The following LRRC4C variants were observed in gnomAD, a reference collection of about 807,000 sequenced individuals.
LRRC4C encodes leucine rich repeat containing 4C.
LRRC4C carries 5 observed loss-of-function variants against 33.6 expected under a neutral mutation model. The observed-to-expected ratio is 0.15, with a 90% CI of 0.08 to 0.31. The LOEUF is 0.31. LRRC4C is among the 10% of genes least tolerant of loss of function. The probability of loss-of-function intolerance (pLI) is 1.00; values close to 1 mark genes in which losing one functional copy is unlikely to be tolerated. For synonymous variants in LRRC4C, 329 were observed against 302.0 expected (o/e 1.09, Z -0.93); for missense variants, 560 against 796.7 (o/e 0.70, Z 3.58).
At chr11:40,756,924 G>A (rs1313428762) in intron 2 of LRRC4C, among the ~76,000 whole-genome samples, 1 of 151,504 alleles carries the variant, frequency 6.6e-6, no homozygotes, top group African/African-American at 2.4e-5. Flanking sequence ...TGAGGATTTT[G>A]TCATGTTTGG....
At position 40,561,641 on chromosome 11, in the gene LRRC4C, T is replaced by C. The variant is rs1957554567; in HGVS notation, c.-270+86501A>G. Reference sequence around the variant, plus strand: ...GTTAGCTAGGATGGTCTCGATCTCCTGACCTTGTGATCCGCCTGCCTCAGC... The same window carrying C: ...GTTAGCTAGGATGGTCTCGATCTCCCGACCTTGTGATCCGCCTGCCTCAGC... On this transcript the variant is annotated intron_variant, in intron 3 of 6. Coordinates refer to ENST00000528697, the MANE Select transcript of LRRC4C (RefSeq NM_001258419.2). Among the ~76,000 whole-genome samples, 3 of 151,892 alleles carry C rather than the reference T, an allele frequency of 2.0e-5. No individual in the cohort carries two copies. The South Asian group carries it at 6.2e-4, about 31-fold the overall frequency.
intron 4 of LRRC4C, among the ~76,000 whole-genome samples, chr11:40,255,490 A>G (rs1279405712): frequency 6.6e-6 from 1 of 152,198 alleles, no homozygotes; most frequent in Non-Finnish European, 1.5e-5. Context: ...AGTCTACCCA[A>G]ACTTTATTTA....
chr11:41,421,815 C>T (rs918378998), intron 1 of LRRC4C, among the ~76,000 whole-genome samples: 11 of 151,784 alleles, frequency 7.2e-5, no homozygotes, highest in Admixed American at 5.9e-4. Context: ...ATTGTCGATC[C>T]GGGAAGCTAA....
intron 1 of LRRC4C, among the ~76,000 whole-genome samples, chr11:41,384,948 T>C (rs972204628): frequency 1.7e-4 from 25 of 150,440 alleles, no homozygotes; most frequent in African/African-American, 5.8e-4. Flanking sequence ...TAGTATACTA[T>C]ATCAGTTTGT....
chr11:40,574,687 G>T (rs948281932), intron 3 of LRRC4C, among the ~76,000 whole-genome samples: 2 of 152,140 alleles, frequency 1.3e-5, no homozygotes, highest in Non-Finnish European at 2.9e-5. Context: ...AGATCATGGG[G>T]GTGGAGCTGG....
chr11:40,999,079 T>C (rs1854180942), intron 1 of LRRC4C, among the ~76,000 whole-genome samples: 1 of 152,142 alleles, frequency 6.6e-6, no homozygotes, highest in African/African-American at 2.4e-5. Flanking sequence ...CATAGGAGAC[T>C]GCAGATCGAT....
chr11:41,186,573 T>C (rs1002145955), intron 1 of LRRC4C, among the ~76,000 whole-genome samples: 1 of 152,222 alleles, frequency 6.6e-6, no homozygotes, highest in Admixed American at 6.5e-5. Flanking sequence ...GATTTCACTG[T>C]GATAAAGAAG....
chr11:40,547,589 CT>C (rs34656761), intron 3 of LRRC4C, among the ~76,000 whole-genome samples: 7 of 151,962 alleles, frequency 4.6e-5, no homozygotes, highest in African/African-American at 1.7e-4. Flanking sequence ...CTCAGGATAC[CT>C]TTTTCAAAAA....
chr11:40,593,326 A>G (rs752741382), intron 3 of LRRC4C, among the ~76,000 whole-genome samples: 22 of 152,224 alleles, frequency 1.4e-4, no homozygotes, highest in Non-Finnish European at 2.4e-4. Context: ...ATAACCTCTC[A>G]TAGACAGGAA....
At chr11:40,225,995 TA>T (rs1192017980) in intron 5 of LRRC4C, among the ~76,000 whole-genome samples, 1 of 152,208 alleles carries the variant, frequency 6.6e-6, no homozygotes, top group African/African-American at 2.4e-5. Flanking sequence ...AGAGACTACA[TA>T]GATATGTGAT....
At chr11:40,512,872 A>T (rs1053326971) in intron 3 of LRRC4C, among the ~76,000 whole-genome samples, 7 of 152,178 alleles carry the variant, frequency 4.6e-5, no homozygotes, top group African/African-American at 1.7e-4. Context: ...AGACACTGAG[A>T]TAGGCATACA....
chr11:40,805,670 G>A (rs75869607), intron 2 of LRRC4C, among the ~76,000 whole-genome samples: 10 of 152,034 alleles, frequency 6.6e-5, no homozygotes, highest in Non-Finnish European at 7.4e-5. Flanking sequence ...TGACACTAGG[G>A]AGTCTTGTTC....
intron 1 of LRRC4C, among the ~76,000 whole-genome samples, chr11:41,122,289 T>C (rs1223416875): frequency 1.3e-5 from 2 of 152,066 alleles, no homozygotes; most frequent in Non-Finnish European, 2.9e-5. Flanking sequence ...CAGATTCAGA[T>C]AGTTCTGTCG....
At chr11:41,281,649 G>A (rs543998982) in intron 1 of LRRC4C, among the ~76,000 whole-genome samples, 35 of 152,264 alleles carry the variant, frequency 2.3e-4, no homozygotes, top group Non-Finnish European at 4.6e-4. Flanking sequence ...AATGCCTAAG[G>A]TTCATGCCCA....
At chr11:40,604,998 G>A (rs1960418244) in intron 3 of LRRC4C, among the ~76,000 whole-genome samples, 1 of 152,030 alleles carries the variant, frequency 6.6e-6, no homozygotes, top group Non-Finnish European at 1.5e-5. Context: ...CCTTTCTATT[G>A]TATGATTATA....
At chr11:41,053,528 C>G (rs1357845341) in intron 1 of LRRC4C, among the ~76,000 whole-genome samples, 1 of 152,206 alleles carries the variant, frequency 6.6e-6, no homozygotes, top group Non-Finnish European at 1.5e-5. Context: ...AAGCTAAACC[C>G]TGTCTGGAAT....
At chr11:40,692,903 C>T (rs1002083930) in intron 2 of LRRC4C, among the ~76,000 whole-genome samples, 1 of 152,022 alleles carries the variant, frequency 6.6e-6, no homozygotes, top group South Asian at 2.1e-4. Context: ...AAAGATAGTA[C>T]AGTCCTAGGT....
intron 1 of LRRC4C, among the ~76,000 whole-genome samples, chr11:41,369,226 T>A (rs1419871195): frequency 6.6e-6 from 1 of 152,154 alleles, no homozygotes; most frequent in African/African-American, 2.4e-5. Flanking sequence ...TGTAGAAGTT[T>A]TAGAGTTTTA....
intron 3 of LRRC4C, among the ~76,000 whole-genome samples, chr11:40,604,708 T>C (rs1960382189): frequency 6.6e-6 from 1 of 152,116 alleles, no homozygotes; most frequent in Non-Finnish European, 1.5e-5. Context: ...TTAATAAATA[T>C]TCTGCTTGAC....
Sources: allele counts gnomAD v4.1 joint callset (sites outside exome capture counted in the v4.1 genomes callset), GRCh38; gene constraint gnomAD v4.1.1; transcripts MANE v1.5; gene names NCBI Gene and HGNC (gene_info 2026-07-23, HGNC 2026-07-21).